ABCA8: variants seen among roughly 807,000 people sequenced by gnomAD.
The protein encoded by ABCA8 is ATP binding cassette subfamily A member 8.
In ABCA8, 177 loss-of-function variants were observed where a neutral mutation model predicts 192.3. The observed-to-expected ratio is 0.92, with a 90% confidence interval of 0.81 to 1.04. ABCA8 has a LOEUF of 1.04. Among genes scored for constraint, ABCA8 ranks in the 50% least tolerant of loss-of-function variants. ABCA8 has a pLI of 0.00. For missense variants in ABCA8, 1,915 were observed against 1,904.8 expected (o/e 1.01, Z -0.10); for synonymous variants, 642 against 690.2 (o/e 0.93, Z 1.09).
intron 37 of ABCA8, among the ~76,000 whole-genome samples, chr17:68,872,520 A>G (rs2066088754): frequency 1.3e-5 from 2 of 151,564 alleles, no homozygotes; most frequent in South Asian, 2.1e-4. Flanking sequence ...TGGCACATGT[A>G]TACATATGTA....
At chr17:68,918,006 T>G in intron 16 of ABCA8, 41 bp downstream of exon 16, 1 of 1,608,662 alleles carries the variant, frequency 6.2e-7, no homozygotes, top group Non-Finnish European at 8.5e-7. Context: ...TTAGATCTCT[T>G]AAAGTCCTCC....
intron 32 of ABCA8, among the ~76,000 whole-genome samples, chr17:68,880,419 A>G (rs2066306891): frequency 6.6e-6 from 1 of 152,146 alleles, no homozygotes. Context: ...AAATGGTGGG[A>G]CTAAAAAAGC....
rs2066212134 is a variant in ABCA8, at chr17:68,876,573, C to T, written c.4276-19G>A. ...AGCACAGCTGCAACGGGAGGAACAG[C>T]CCATCTGGTTCCCATCTATGGCACT... On this transcript the variant is annotated intron_variant, in intron 34 of 39. Coordinates refer to ENST00000586539, the MANE Select transcript of ABCA8 (RefSeq NM_001288985.2). 1 of 1,614,110 alleles carries T rather than the reference C, an allele frequency of 6.2e-7. No homozygotes were observed. Among genetic ancestry groups the T allele is most frequent in the Non-Finnish European group, 8.5e-7 (1 of 1,179,996 alleles).
At chr17:68,876,340 A>G (rs953128534) in intron 35 of ABCA8, 120 bp downstream of exon 35, 11 of 1,108,260 alleles carry the variant, frequency 9.9e-6, no homozygotes, top group Non-Finnish European at 1.3e-5. Context: ...TACAAGTGAC[A>G]TTGATAGTTT....
At chr17:68,878,417 G>A (rs2066259423) in intron 32 of ABCA8, 3 of 152,232 alleles carry the variant, frequency 2.0e-5, no homozygotes, top group African/African-American at 7.2e-5. Context: ...ACAAATATGT[G>A]GCAAGAGGGA....
At chr17:68,923,383 A>G (rs2067601222) in intron 11 of ABCA8, among the ~76,000 whole-genome samples, 1 of 152,006 alleles carries the variant, frequency 6.6e-6, no homozygotes, top group African/African-American at 2.4e-5. Flanking sequence ...TATTTTTAGT[A>G]GAGATGGGGT....
rs757433599 is a variant in ABCA8, at chr17:68,921,439, C to A, written c.1555G>T (p.Gly519Ter). The A allele has an allele frequency of 1.9e-6, 3 of 1,610,762 alleles. No individual in the cohort carries two copies. In the Admixed American group the frequency reaches 5.0e-5, roughly 27 times the overall value. ...GQITAILGHS[G>*]AGKSTLLNIL... is the part of the protein sequence containing the mutation. ...TTTAGCAGTGTTGACTTTCCAGCTC[C>A]ACTGTGACCAAGTATTGCAGTGATT... The change falls in exon 13 of 40, where the codon GGA (glycine) becomes TGA (stop). Residue 519 changes from glycine (G) to a stop codon, truncating the protein, a stop_gained. Coordinates refer to ENST00000586539, the MANE Select transcript of ABCA8 (RefSeq NM_001288985.2). LOFTEE classifies it high-confidence loss of function.
At chr17:68,884,305 AT>A (rs746355072) in intron 28 of ABCA8, 25 bp downstream of exon 28, 3 of 1,531,058 alleles carry the variant, frequency 2.0e-6, no homozygotes, top group Non-Finnish European at 2.6e-6. Context: ...AAAAGTGATA[AT>A]TTTTAAAGAA....
At chr17:68,949,223 C>A (rs1362804542) in intron 2 of ABCA8, 89 bp downstream of exon 2, 1 of 152,146 alleles carries the variant, frequency 6.6e-6, no homozygotes, top group Non-Finnish European at 1.5e-5. Context: ...ATGACACATA[C>A]ACCCTCCTAA....
chr17:68,899,370 A>G (rs4968973), intron 21 of ABCA8, among the ~76,000 whole-genome samples: 63,919 of 151,892 alleles, frequency 0.42, 14,048 homozygotes, highest in East Asian at 0.56. Context: ...CAGGAGACAC[A>G]TATTAAATTT....
rs766142533 is a variant in ABCA8, at chr17:68,894,284, A to G, written c.2925T>C (p.Asn975=). 1.2e-6 allele frequency: 2 copies of G among 1,610,470 alleles called. No individual in the cohort carries two copies. Among genetic ancestry groups the G allele is most frequent in the African/African-American group, 1.3e-5 (1 of 74,910 alleles). ...CTGGGAAGCAATTCAATCTTTTGGC[A>G]TTGCATGCTAACGAAAAGCTGTAAT... ...EKNYSFSLAC[N]AKRLNCFPVL... The change falls in exon 23 of 40, where the codon AAT becomes AAC. Residue 975 remains asparagine, a synonymous_variant. Coordinates refer to ENST00000586539, the MANE Select transcript of ABCA8 (RefSeq NM_001288985.2).
chr17:68,893,186 G>GT (rs1178489485), intron 23 of ABCA8, among the ~76,000 whole-genome samples: 1 of 152,086 alleles, frequency 6.6e-6, no homozygotes, highest in Non-Finnish European at 1.5e-5. Context: ...CATGTTACAG[G>GT]TTTTTTCCTA....
intron 1 of ABCA8, among the ~76,000 whole-genome samples, chr17:68,952,157 A>G (rs967220889): frequency 2.6e-5 from 4 of 152,206 alleles, no homozygotes; most frequent in Non-Finnish European, 5.9e-5. Context: ...CTTTTTACAA[A>G]CAAATGCCTT....
rs576842222 is a variant in ABCA8, at chr17:68,875,796, G to A, written c.4371-63C>T. The A allele has an allele frequency of 1.1e-5, 17 of 1,545,428 alleles. No individual in the cohort carries two copies. The East Asian group carries it at 2.9e-4, about 27-fold the overall frequency. ...CTCTAATTAATCAGAAAGAGATAGA[G>A]AAAAGAATTTTTAACTGGCATGCGT... is the stretch of plus-strand genomic sequence containing the variant. On this transcript the variant is annotated intron_variant, in intron 35 of 39. Transcript: ENST00000586539.
intron 32 of ABCA8, chr17:68,879,548 G>A (rs2066282733): frequency 6.6e-6 from 1 of 152,332 alleles, no homozygotes; most frequent in Non-Finnish European, 1.5e-5. Context: ...TGATGGCAGT[G>A]GCAGCCTGTC....
chr17:68,919,040 C>G (rs1197796184), intron 14 of ABCA8, among the ~76,000 whole-genome samples: 4 of 151,234 alleles, frequency 2.6e-5, no homozygotes. Flanking sequence ...CTCTCTTGAA[C>G]CACATGTATA....
intron 2 of ABCA8, among the ~76,000 whole-genome samples, chr17:68,948,153 C>T (rs2068465757): frequency 6.6e-6 from 1 of 152,156 alleles, no homozygotes. Flanking sequence ...CATTGTTGGG[C>T]ATTTGGGTTG....
intron 29 of ABCA8, 53 bp downstream of exon 29, chr17:68,883,738 A>G: frequency 8.1e-7 from 1 of 1,230,098 alleles, no homozygotes; most frequent in African/African-American, 1.5e-5. Flanking sequence ...ATGCATGAAA[A>G]ATATTTTACG....
At chr17:68,921,581 T>C in intron 12 of ABCA8, 89 bp from the exon 13 acceptor site, 1 of 687,832 alleles carries the variant, frequency 1.5e-6, no homozygotes, top group Non-Finnish European at 2.4e-6. Context: ...ATGGAGCCAA[T>C]GAATTGTTAT....
Sources: gnomAD v4.1 joint callset for allele counts (sites outside exome capture counted in the v4.1 genomes callset) on GRCh38, gnomAD v4.1.1 for gene constraint, MANE v1.5 for transcripts, NCBI Gene and HGNC (gene_info 2026-07-23, HGNC 2026-07-21) for gene names.